The following SPTBN2 variants were observed in gnomAD, a reference collection of about 807,000 sequenced individuals.
SPTBN2 encodes spectrin beta, non-erythrocytic 2, also known as spectrin beta chain, non-erythrocytic 2.
SPTBN2 carries 107 observed loss-of-function variants against 284.2 expected under a neutral mutation model. That is an observed-to-expected ratio of 0.38 (90% confidence interval 0.32 to 0.44). The LOEUF is 0.44. SPTBN2 is among the 20% of genes least tolerant of loss of function. SPTBN2 has a pLI of 1.00. For missense variants in SPTBN2, 2,569 were observed against 3,287.1 expected, an observed-to-expected ratio of 0.78 and a Z score of 5.34; for synonymous variants, 1,289 against 1,354.8, an observed-to-expected ratio of 0.95 and a Z score of 1.07.
At chr11:66,725,320 A>G (rs571204105) in intron 1 of SPTBN2, among the ~76,000 whole-genome samples, 1 of 152,312 alleles carries the variant, frequency 6.6e-6, no homozygotes, top group East Asian at 1.9e-4. Context: ...TTGGTTTCCA[A>G]GCATTCTGGC....
intron 1 of SPTBN2, among the ~76,000 whole-genome samples, chr11:66,726,145 G>C (rs1942615100): frequency 6.6e-6 from 1 of 152,142 alleles, no homozygotes; most frequent in Non-Finnish European, 1.5e-5. Flanking sequence ...TGAATGACTT[G>C]ACTATAATTC....
In SPTBN2 at chr11:66,700,415, G is replaced by T; in HGVS notation, c.3573+111C>A. ...GCTGGAATTTCAGGTGTGAACCACT[G>T]CGCTGCCCCATTTTGCTAGCATGTC... On this transcript the variant is annotated intron_variant, in intron 17 of 37. Transcript: ENST00000533211. This position sits in a 1 kb window ranked among gnomAD's most constrained non-coding sequence, Gnocchi z 6.6. 6.8e-7 allele frequency: 1 copy of T among 1,478,396 alleles called. No homozygotes were observed. The highest frequency in any genetic ancestry group is 9.3e-7 in the Non-Finnish European group (1 of 1,079,324). The allele number at this position is 1,478,396 out of a possible 1,614,324, so 91.6% of individuals were successfully genotyped here. A position where few individuals can be genotyped will look rare whatever the true frequency, so the allele number is the denominator to read the frequency against.
At chr11:66,701,396 A>G (rs1355948734) in intron 16 of SPTBN2, 114 bp from the exon 17 acceptor site, 4 of 1,525,472 alleles carry the variant, frequency 2.6e-6, no homozygotes, top group African/African-American at 1.4e-5. Context: ...TCTGGCCAGC[A>G]GCCGCTTCAG....
Position 66,707,636 on chromosome 11 carries a change from C to T in SPTBN2, c.1533G>A (p.Arg511=). 1 of 1,609,798 alleles carries T rather than the reference C, an allele frequency of 6.2e-7. No individual in the cohort carries two copies. Among genetic ancestry groups the T allele is most frequent in the East Asian group, 2.2e-5 (1 of 44,876 alleles). Residue 511 remains arginine (R), a synonymous_variant, in exon 13 of 38, where the codon CGG becomes CGA. Transcript: ENST00000533211. The surrounding 1 kb of genome is among the most constrained non-coding windows in gnomAD (Gnocchi z 4.9). ...CCATCTGCCGCAAGAAGTCCCAGAG[C>T]CGTGCCACGTTGTGCTGCCGAGCGG... ...RIAARQHNVA[R]LWDFLRQMVA... is the part of the protein sequence containing the mutation.
chr11:66,716,198 C>CTTT lies in SPTBN2; in HGVS notation c.158-218_158-217insAAA, dbSNP rs201358632. Among the ~76,000 whole-genome samples, 1,670 of 152,126 alleles carry CTTT rather than the reference C, an allele frequency of 0.011. 40 individuals carry two copies. Among genetic ancestry groups the CTTT allele is most frequent in the African/African-American group, 0.038 (1,564 of 41,488 alleles). The stretch of plus-strand genomic sequence containing the variant: ...AGAAAGATGAAAGACAGAAAATAGG[C>CTTT]GAAGGTTGGGTGTGGTGGCTCATGC... On this transcript the variant is annotated intron_variant, in intron 3 of 37. Transcript: ENST00000533211.
At chr11:66,686,807 T>G in intron 36 of SPTBN2, 187 bp downstream of exon 36, 3 of 775,908 alleles carry the variant, frequency 3.9e-6, no homozygotes, top group Non-Finnish European at 6.3e-6. Flanking sequence ...TTGGTTCTCC[T>G]GCTCCCCTTG....
At chr11:66,734,656 G>A (rs1218908842) in intron 1 of SPTBN2, among the ~76,000 whole-genome samples, 1 of 152,152 alleles carries the variant, frequency 6.6e-6, no homozygotes, top group Non-Finnish European at 1.5e-5. Flanking sequence ...CTCCATACTG[G>A]ATTGTCACTG....
At position 66,691,250 on chromosome 11, in the gene SPTBN2, A is replaced by G. The variant is rs768528533; in HGVS notation, c.5565+34T>C. 6 of 1,510,520 alleles carry G rather than the reference A, an allele frequency of 4.0e-6. No individual in the cohort carries two copies. The highest frequency in any genetic ancestry group is 2.3e-5 in the East Asian group (1 of 43,598). 93.6% of individuals were successfully genotyped at this position (1,510,520 alleles called of 1,614,324 possible). A position where few individuals can be genotyped will look rare whatever the true frequency, so the allele number is the denominator to read the frequency against. On this transcript the variant is annotated intron_variant, in intron 27 of 37. Coordinates refer to ENST00000533211, the MANE Select transcript of SPTBN2 (RefSeq NM_006946.4). The surrounding 1 kb of genome is among the most constrained non-coding windows in gnomAD (Gnocchi z 8.0). Reference sequence around the variant, plus strand: ...CGGCATTTCCCCCATGGCCTCCTCTAAGCCTCCCCCACCTCCTCATGCTTG... The same window carrying G: ...CGGCATTTCCCCCATGGCCTCCTCTGAGCCTCCCCCACCTCCTCATGCTTG...
rs1474269624 is a variant in SPTBN2 at position 66,693,177 on chromosome 11, G to A, written c.4854+9C>T. On this transcript the variant is annotated intron_variant, in intron 24 of 37. Coordinates refer to ENST00000533211, the MANE Select transcript of SPTBN2 (RefSeq NM_006946.4). The surrounding 1 kb of genome is among the most constrained non-coding windows in gnomAD (Gnocchi z 5.7). ...GGTCACATACACTGGGCTCTGTCCT[G>A]GCCCTCACCTTGGCCTTCTCCTGGC... 6.2e-7 allele frequency: 1 copy of A among 1,614,224 alleles called. No homozygotes were observed. Among genetic ancestry groups the A allele is most frequent in the East Asian group, 2.2e-5 (1 of 44,880 alleles).
rs1029364933 is a variant in SPTBN2 at position 66,683,193 on chromosome 11, A to G, written c.*2678T>C. On this transcript the variant is annotated 3_prime_UTR_variant, in exon 38 of 38. Transcript: ENST00000533211. ...CGCCATTCTCCTGCCTCAGCCTCCC[A>G]AGTAGCTGGGACTACAGGCGCCCGC... 7.0e-6 allele frequency among the ~76,000 whole-genome samples: 1 copy of G among 143,058 alleles called. No individual in the cohort carries two copies. The highest frequency in any genetic ancestry group is 2.1e-4 in the East Asian group (1 of 4,728). The allele number at this position is 143,058 out of a possible 152,430, so 93.9% of individuals were successfully genotyped here. A position where few individuals can be genotyped will look rare whatever the true frequency, so the allele number is the denominator to read the frequency against.
At position 66,700,540 on chromosome 11, in the gene SPTBN2, C is replaced by T. The variant is rs369739429; in HGVS notation, c.3559G>A (p.Val1187Met). ...FLRDARQAEG[V>M]LSSQEYVLSH... ...TGGACTTTCACCTGGCTGCTGAGCACGCCCTCAGCCTGACGAGCATCCCGC... is the reference window on the plus strand; with the variant it reads ...TGGACTTTCACCTGGCTGCTGAGCATGCCCTCAGCCTGACGAGCATCCCGC... Residue 1187 changes from valine (V) to methionine (M), a missense_variant, in exon 17 of 38, where the codon GTG becomes ATG. Physicochemically the swap from Val to Met is conservative, Grantham distance 21. Around this residue, in one of 6 missense-constraint regions of SPTBN2, gnomAD observed 1,012 missense variants for 1,248.9 expected, o/e 0.81. Transcript: ENST00000533211. This position sits in a 1 kb window ranked among gnomAD's most constrained non-coding sequence, Gnocchi z 6.6. 3.5e-5 allele frequency: 56 copies of T among 1,604,574 alleles called. No individual in the cohort carries two copies. Among genetic ancestry groups the T allele is most frequent in the Middle Eastern group, 1.7e-4 (1 of 5,940 alleles).
chr11:66,687,452 C>T lies in SPTBN2; in HGVS notation c.6697G>A (p.Ala2233Thr). ...CTGTTGGCAGCCTTCTTCCCGAAGGCCTCCATCTCCTGCTTGCGGCACAGC... is the reference window on the plus strand; with the variant it reads ...CTGTTGGCAGCCTTCTTCCCGAAGGTCTCCATCTCCTGCTTGCGGCACAGC... Reference protein sequence around the residue: ...GMLCRKQEMEAFGKKAANRSW... With the variant: ...GMLCRKQEMETFGKKAANRSW... Residue 2233 changes from alanine to threonine, a missense_variant, in exon 35 of 38, where the codon GCC becomes ACC. Coordinates refer to ENST00000533211, the MANE Select transcript of SPTBN2 (RefSeq NM_006946.4). This position sits in a 1 kb window ranked among gnomAD's most constrained non-coding sequence, Gnocchi z 5.2. 6.2e-7 allele frequency: 1 copy of T among 1,608,348 alleles called. No individual in the cohort carries two copies. The highest frequency in any genetic ancestry group is 8.5e-7 in the Non-Finnish European group (1 of 1,179,982).
At chr11:66,716,666 A>T (rs1942165988) in intron 3 of SPTBN2, among the ~76,000 whole-genome samples, 4 of 152,312 alleles carry the variant, frequency 2.6e-5, no homozygotes, top group Admixed American at 2.6e-4. Context: ...AAATGGGAAC[A>T]TCACTTTCTA....
chr11:66,699,682 G>T, intron 17 of SPTBN2, 74 bp from the exon 18 acceptor site: 1 of 1,475,540 alleles, frequency 6.8e-7, no homozygotes, highest in Non-Finnish European at 9.4e-7. Context: ...CCACCCAGGG[G>T]CAAATCTGAG....
chr11:66,703,635 G>A (rs1941364798), intron 15 of SPTBN2, among the ~76,000 whole-genome samples: 1 of 151,846 alleles, frequency 6.6e-6, no homozygotes, highest in South Asian at 2.1e-4. Flanking sequence ...TACTTGGGAG[G>A]CTGAGGCAGG....
rs1312628031 is a variant in SPTBN2 at position 66,687,921 on chromosome 11, G to GC, written c.6451-4dup. 6.2e-7 allele frequency: 1 copy of GC among 1,614,208 alleles called. No homozygotes were observed. The highest frequency in any genetic ancestry group is 1.3e-5 in the African/African-American group (1 of 75,060). On this transcript the variant is annotated splice_polypyrimidine_tract_variant and splice_region_variant and intron_variant, in intron 33 of 37. Transcript: ENST00000533211. The surrounding 1 kb of genome is among the most constrained non-coding windows in gnomAD (Gnocchi z 5.2). Reference sequence around the variant, plus strand: ...AGTCTCTGTTGTCCCAGCAGGGGCTGCAAGGACAAGAATCTGTAAAAGGAT... The same window carrying GC: ...AGTCTCTGTTGTCCCAGCAGGGGCTGCCAAGGACAAGAATCTGTAAAAGGAT...
At position 66,700,557 on chromosome 11, in the gene SPTBN2, G is replaced by A. The variant is rs376699020; in HGVS notation, c.3542C>T (p.Ala1181Val). ...GCTGAGCACGCCCTCAGCCTGACGA[G>A]CATCCCGCAGGAATCCCTGGAAGCC... ...AHGFQGFLRD[A>V]RQAEGVLSSQ... The change falls in exon 17 of 38, where the codon GCT becomes GTT. Residue 1181 changes from alanine (A) to valine (V), a missense_variant. By Grantham distance (64) the Ala-to-Val change is moderately conservative. Around this residue, in one of 6 missense-constraint regions of SPTBN2, gnomAD observed 1,012 missense variants for 1,248.9 expected, o/e 0.81. Coordinates refer to ENST00000533211, the MANE Select transcript of SPTBN2 (RefSeq NM_006946.4). This position sits in a 1 kb window ranked among gnomAD's most constrained non-coding sequence, Gnocchi z 6.6. 6.8e-6 allele frequency: 11 copies of A among 1,606,382 alleles called. No individual in the cohort carries two copies. The highest frequency in any genetic ancestry group is 9.3e-6 in the Non-Finnish European group (11 of 1,180,006).
In SPTBN2 at chr11:66,688,060, G is replaced by A. The variant is rs766668865; in HGVS notation, c.6394C>T (p.Pro2132Ser). ...TTAACACTGGGTGCTTGTGTGGATGGTGGTGGCCGTGGCTGGGTTCTGGGA... is the reference window on the plus strand; with the variant it reads ...TTAACACTGGGTGCTTGTGTGGATGATGGTGGCCGTGGCTGGGTTCTGGGA... Reference protein sequence around the residue: ...TWDGTQPRPPPSTQAPSVNGV... With the variant: ...TWDGTQPRPPSSTQAPSVNGV... The change falls in exon 33 of 38, where the codon CCA (proline) becomes TCA (serine). Residue 2132 changes from proline (P) to serine (S), a missense_variant. Pro to Ser is a moderately conservative substitution (Grantham distance 74, BLOSUM62 -1). Transcript: ENST00000533211. 296 of 1,608,072 alleles carry A rather than the reference G, an allele frequency of 1.8e-4. No homozygotes were observed. The highest frequency in any genetic ancestry group is 2.4e-4 in the Non-Finnish European group (287 of 1,177,432).
At chr11:66,721,042 C>T (rs1160205714) in intron 3 of SPTBN2, 42 bp downstream of exon 3, 5 of 1,613,840 alleles carry the variant, frequency 3.1e-6, no homozygotes, top group South Asian at 2.2e-5. Flanking sequence ...CTGACAAAGC[C>T]TCCTCCAGCA....
Sources: gnomAD v4.1 joint callset for allele counts (sites outside exome capture counted in the v4.1 genomes callset) on GRCh38, gnomAD v4.1.1 for gene constraint, gnomAD v4.1.1 regional missense constraint, Gnocchi (gnomAD v3.1) non-coding constraint, MANE v1.5 for transcripts, NCBI Gene and HGNC (gene_info 2026-07-23, HGNC 2026-07-21) for gene names.